PLCB4: variants seen among roughly 807,000 people sequenced by gnomAD.
PLCB4 encodes phospholipase C beta 4, also known as 1-phosphatidylinositol 4,5-bisphosphate phosphodiesterase beta-4.
PLCB4 carries 77 observed loss-of-function variants against 178.8 expected under a neutral mutation model. The observed-to-expected ratio is 0.43, with a 90% CI of 0.36 to 0.52. The LOEUF (loss-of-function observed/expected upper bound fraction) is 0.52, where lower values mean the gene tolerates loss of function less well. PLCB4 is among the 20% of genes least tolerant of loss of function. PLCB4 has a pLI of 0.00. For missense variants in PLCB4, 1,024 were observed against 1,453.4 expected, an observed-to-expected ratio of 0.70 and a Z score of 4.80; for synonymous variants, 496 against 490.8, an observed-to-expected ratio of 1.01 and a Z score of -0.14.
At chr20:9,376,443 C>A (rs764002395) in intron 12 of PLCB4, among the ~76,000 whole-genome samples, 2 of 152,164 alleles carry the variant, frequency 1.3e-5, no homozygotes, top group Non-Finnish European at 2.9e-5. Context: ...GAATCCACCA[C>A]TCAGAGCTAA....
intron 35 of PLCB4, among the ~76,000 whole-genome samples, chr20:9,467,861 A>C (rs1189425693): frequency 6.6e-6 from 1 of 152,184 alleles, no homozygotes; most frequent in Non-Finnish European, 1.5e-5. Context: ...AGGTTATAGA[A>C]AAAAATTTTT....
chr20:9,442,281 A>G (rs1175258431), intron 30 of PLCB4, among the ~76,000 whole-genome samples: 1 of 152,188 alleles, frequency 6.6e-6, no homozygotes, highest in Non-Finnish European at 1.5e-5. Context: ...CGTCAGTTGG[A>G]CAGACCCACG....
At chr20:9,202,875 C>T (rs1287731886) in intron 2 of PLCB4, among the ~76,000 whole-genome samples, 1 of 151,854 alleles carries the variant, frequency 6.6e-6, no homozygotes, top group Non-Finnish European at 1.5e-5. Flanking sequence ...AGGGCTCTGA[C>T]ATCAGCAGCT....
At chr20:9,387,039 C>T (rs536055581) in intron 14 of PLCB4, among the ~76,000 whole-genome samples, 2 of 151,626 alleles carry the variant, frequency 1.3e-5, no homozygotes, top group African/African-American at 2.4e-5. Context: ...TTACAGCCTC[C>T]CAAGTAGCCA....
At chr20:9,436,662 G>A (rs763261430) in intron 29 of PLCB4, among the ~76,000 whole-genome samples, 3 of 152,132 alleles carry the variant, frequency 2.0e-5, no homozygotes, top group Admixed American at 1.3e-4. Context: ...CCAAAATGGC[G>A]TTTATTATTG....
intron 2 of PLCB4, among the ~76,000 whole-genome samples, chr20:9,112,207 AAC>A (rs1266813881): frequency 6.6e-6 from 1 of 151,990 alleles, no homozygotes; most frequent in African/African-American, 2.4e-5. Flanking sequence ...TATCTTTGTG[AAC>A]AGTGTTTAGA....
intron 7 of PLCB4, among the ~76,000 whole-genome samples, chr20:9,351,520 A>G (rs927736928): frequency 1.3e-5 from 2 of 152,186 alleles, no homozygotes; most frequent in Admixed American, 1.3e-4. Flanking sequence ...CATATTTACC[A>G]TAAATATTCT....
intron 35 of PLCB4, among the ~76,000 whole-genome samples, chr20:9,465,338 GCAAAAACTGGAAGCATTCCCT>G (rs2043698209): frequency 1.3e-5 from 2 of 152,134 alleles, no homozygotes; most frequent in African/African-American, 2.4e-5. Context: ...TACTGAATGG[GCAAAAACTGGAAGCATTCCCT>G]CTGAAAACTG....
chr20:9,468,521 C>A (rs2043959832), intron 35 of PLCB4, 50 bp from the exon 36 acceptor site: 2 of 1,147,808 alleles, frequency 1.7e-6, no homozygotes, highest in Admixed American at 1.7e-5. Context: ...CCATTAAACA[C>A]AAACTCTCCA....
chr20:9,407,705 G>A (rs1261761839), intron 21 of PLCB4, among the ~76,000 whole-genome samples: 2 of 152,154 alleles, frequency 1.3e-5, no homozygotes, highest in African/African-American at 2.4e-5. Context: ...TGTAAGATAA[G>A]CTTAATATTT....
Position 9,290,855 on chromosome 20 carries a change from G to C in PLCB4, c.-15-16945G>C, listed in dbSNP as rs575357639. Among the ~76,000 whole-genome samples the C allele has an allele frequency of 5.3e-5, 8 of 152,162 alleles. No individual in the cohort carries two copies. The South Asian group carries it at 1.5e-3, about 28-fold the overall frequency. ...TCAAATGTTTATTAATGTAAACTAA[G>C]AAGGCATCACAGAGATAAAACTAAT... On this transcript the variant is annotated intron_variant, in intron 3 of 39. Coordinates refer to ENST00000378473, the MANE Select transcript of PLCB4 (RefSeq NM_001377142.1).
At chr20:9,209,597 G>A (rs898290523) in intron 2 of PLCB4, among the ~76,000 whole-genome samples, 14 of 152,130 alleles carry the variant, frequency 9.2e-5, no homozygotes, top group African/African-American at 3.1e-4. Context: ...AAGATGGTGG[G>A]GGCCATGTGA....
intron 4 of PLCB4, among the ~76,000 whole-genome samples, chr20:9,322,106 A>G (rs1263696325): frequency 7.0e-6 from 1 of 143,154 alleles, no homozygotes; most frequent in Non-Finnish European, 1.5e-5. Context: ...CAGAGCCACC[A>G]CACCCAGGTA....
intron 1 of PLCB4, among the ~76,000 whole-genome samples, chr20:9,085,218 G>A (rs549017927): frequency 4.1e-4 from 63 of 152,250 alleles, no homozygotes; most frequent in African/African-American, 1.5e-3. Flanking sequence ...CATAGCTACA[G>A]CATAGAATGG....
At chr20:9,474,737 A>C (rs545984267) in intron 38 of PLCB4, among the ~76,000 whole-genome samples, 1 of 152,360 alleles carries the variant, frequency 6.6e-6, no homozygotes, top group South Asian at 2.1e-4. Context: ...TAACAGATAA[A>C]TCTGACTTCT....
chr20:9,450,231 G>A (rs1407677922), intron 32 of PLCB4, among the ~76,000 whole-genome samples: 1 of 152,130 alleles, frequency 6.6e-6, no homozygotes, highest in Non-Finnish European at 1.5e-5. Context: ...TTTAACTAAG[G>A]ACCAAAAGAA....
At chr20:9,116,613 A>T (rs2091788419) in intron 2 of PLCB4, among the ~76,000 whole-genome samples, 1 of 152,176 alleles carries the variant, frequency 6.6e-6, no homozygotes. Flanking sequence ...AATCTCAGCC[A>T]TGACAATAGC....
chr20:9,169,899 T>C (rs2093036033), intron 2 of PLCB4, among the ~76,000 whole-genome samples: 1 of 152,238 alleles, frequency 6.6e-6, no homozygotes, highest in Non-Finnish European at 1.5e-5. Flanking sequence ...TGTCTTATTT[T>C]TGATGGATTT....
chr20:9,231,301 T>A (rs2147350911), intron 3 of PLCB4, among the ~76,000 whole-genome samples: 1 of 152,238 alleles, frequency 6.6e-6, no homozygotes, highest in South Asian at 2.1e-4. Context: ...CCTCCAGCTA[T>A]TATCTTGTGG....
Sources: gnomAD v4.1 joint callset for allele counts (sites outside exome capture counted in the v4.1 genomes callset) on GRCh38, gnomAD v4.1.1 for gene constraint, MANE v1.5 for transcripts, NCBI Gene and HGNC (gene_info 2026-07-23, HGNC 2026-07-21) for gene names.